Variants in SLC9A2 observed in about 807,000 individuals in gnomAD.
The protein encoded by SLC9A2 is solute carrier family 9 member A2.
A neutral mutation model predicts 71.7 loss-of-function variants in SLC9A2; 42 were observed. The ratio of observed to expected loss-of-function variants is 0.59; its 90% CI spans 0.46 to 0.76. The LOEUF is 0.76. Ranked by LOEUF, SLC9A2 falls within the 30% of genes least tolerant of loss-of-function variation. The probability of loss-of-function intolerance (pLI) is 0.00; values close to 1 mark genes in which losing one functional copy is unlikely to be tolerated. For missense variants in SLC9A2, 829 were observed against 1,017.4 expected, an observed-to-expected ratio of 0.81 and a Z score of 2.52; for synonymous variants, 396 against 392.5, an observed-to-expected ratio of 1.01 and a Z score of -0.10.
chr2:102,677,884 T>A, intron 3 of SLC9A2, among the ~76,000 whole-genome samples: 1 of 152,176 alleles, frequency 6.6e-6, no homozygotes, highest in Non-Finnish European at 1.5e-5. Flanking sequence ...CTTCCTCATC[T>A]CTTAACATTT....
At chr2:102,629,080 G>A (rs1215386689) in intron 1 of SLC9A2, among the ~76,000 whole-genome samples, 4 of 152,036 alleles carry the variant, frequency 2.6e-5, no homozygotes, top group Admixed American at 6.5e-5. Flanking sequence ...TTCTAATTAC[G>A]GTGTTAAAAT....
intron 1 of SLC9A2, among the ~76,000 whole-genome samples, chr2:102,640,755 C>T (rs1408045716): frequency 6.6e-6 from 1 of 152,156 alleles, no homozygotes; most frequent in South Asian, 2.1e-4. Context: ...CTTCTCCACT[C>T]CCCAGAATTT....
At chr2:102,687,203 C>G (rs1677563140) in intron 5 of SLC9A2, among the ~76,000 whole-genome samples, 2 of 152,110 alleles carry the variant, frequency 1.3e-5, no homozygotes, top group Admixed American at 1.3e-4. Context: ...AGACTGCGTG[C>G]ATATTGCTTG....
intron 5 of SLC9A2, among the ~76,000 whole-genome samples, chr2:102,690,968 C>CAAAAAAAA (rs57709703): frequency 7.6e-6 from 1 of 131,258 alleles, no homozygotes; most frequent in Non-Finnish European, 1.6e-5. Flanking sequence ...TCATTTTCTT[C>CAAAAAAAA]AAAAAAAAAA....
At position 102,662,455 on chromosome 2, in the gene SLC9A2, T is replaced by G. The variant is rs528142561; in HGVS notation, c.754-2645T>G. 4.0e-4 allele frequency among the ~76,000 whole-genome samples: 61 copies of G among 152,240 alleles called. 1 individual carries two copies. The highest frequency in any genetic ancestry group is 1.3e-3 in the African/African-American group (54 of 41,532). ...GGAATTTCTAGTTTTGTTGGGGACATGGGGCACTCACTCAAAACTCAGCAC... is the reference window on the plus strand; with the variant it reads ...GGAATTTCTAGTTTTGTTGGGGACAGGGGGCACTCACTCAAAACTCAGCAC... On this transcript the variant is annotated intron_variant, in intron 2 of 11. Coordinates refer to ENST00000233969, the MANE Select transcript of SLC9A2 (RefSeq NM_003048.6).
rs777394769 is a variant in SLC9A2 at position 102,619,926 on chromosome 2, G to A, written c.78G>A (p.Ala26=). 1.2e-5 allele frequency: 19 copies of A among 1,603,742 alleles called. No individual in the cohort carries two copies. Among genetic ancestry groups the A allele is most frequent in the Non-Finnish European group, 1.4e-5 (17 of 1,174,784 alleles). The change falls in exon 1 of 12, where the codon GCG becomes GCA. Residue 26 remains alanine (A), a synonymous_variant. Transcript: ENST00000233969. The surrounding 1 kb of genome is among the most constrained non-coding windows in gnomAD (Gnocchi z 4.3). Reference sequence around the variant, plus strand: ...TGTTGCTGCTGCTCCTGCAGGTGGCGGGGCCCGTGGGCGCCCTGGCGGAGA... The same window carrying A: ...TGTTGCTGCTGCTCCTGCAGGTGGCAGGGCCCGTGGGCGCCCTGGCGGAGA... ...PMLLLLLLQV[A]GPVGALAETL...
intron 7 of SLC9A2, among the ~76,000 whole-genome samples, chr2:102,697,125 C>T (rs893239073): frequency 2.6e-5 from 4 of 152,152 alleles, no homozygotes; most frequent in African/African-American, 9.7e-5. Flanking sequence ...ATATGAGAGG[C>T]GTAACCCAGA....
chr2:102,686,034 A>G (rs1484241998), intron 5 of SLC9A2, among the ~76,000 whole-genome samples: 2 of 152,230 alleles, frequency 1.3e-5, no homozygotes, highest in African/African-American at 4.8e-5. Context: ...GCGATCGGTA[A>G]AAAAGGAGGA....
chr2:102,668,479 A>G (rs1677185945), intron 3 of SLC9A2, among the ~76,000 whole-genome samples: 2 of 152,230 alleles, frequency 1.3e-5, no homozygotes, highest in Admixed American at 1.3e-4. Flanking sequence ...CACGCCTTAC[A>G]GAACTAGTCA....
In SLC9A2 at chr2:102,708,286, AC is replaced by A. The variant is rs748701652; in HGVS notation, c.2243del (p.Pro748GlnfsTer34). On this transcript the variant is annotated frameshift_variant, in exon 12 of 12. Coordinates refer to ENST00000233969, the MANE Select transcript of SLC9A2 (RefSeq NM_003048.6). LOFTEE classifies it low-confidence loss of function (END_TRUNC). ...DVDSGRDMPSTPPTPHSREKG... is the reference protein window; with the variant it reads ...DVDSGRDMPSXPPTPHSREKG... ...TGATTCTGGCCGAGATATGCCCAGCACCCCCCCAACACCCCACAGCAGAGAA... is the reference window on the plus strand; with the variant it reads ...TGATTCTGGCCGAGATATGCCCAGCACCCCCCAACACCCCACAGCAGAGAA... 1.4e-5 allele frequency: 23 copies of A among 1,613,434 alleles called. No homozygotes were observed. The highest frequency in any genetic ancestry group is 2.7e-5 in the African/African-American group (2 of 74,710).
chr2:102,677,026 T>G (rs181317675), intron 3 of SLC9A2, among the ~76,000 whole-genome samples: 122 of 152,358 alleles, frequency 8.0e-4, no homozygotes, highest in Non-Finnish European at 1.4e-3. Flanking sequence ...TAAAGCACTC[T>G]GGATCTTCAT....
intron 1 of SLC9A2, among the ~76,000 whole-genome samples, chr2:102,621,568 T>G (rs1409836877): frequency 6.6e-6 from 1 of 152,178 alleles, no homozygotes; most frequent in Non-Finnish European, 1.5e-5. Context: ...TTCGATTAAG[T>G]TGTTAGGTCC....
At chr2:102,684,078 T>G in intron 4 of SLC9A2, 56 bp from the exon 5 acceptor site, 11 of 1,266,520 alleles carry the variant, frequency 8.7e-6, no homozygotes, top group Non-Finnish European at 1.2e-5. Flanking sequence ...AGTCTATGTA[T>G]TTTCATATTT....
intron 3 of SLC9A2, among the ~76,000 whole-genome samples, chr2:102,680,873 G>A (rs951499705): frequency 1.3e-5 from 2 of 152,160 alleles, no homozygotes; most frequent in Admixed American, 6.5e-5. Context: ...TGTGATTAGG[G>A]AAGCAGAGGT....
chr2:102,655,603 T>C (rs1169765360), intron 1 of SLC9A2, among the ~76,000 whole-genome samples: 2 of 152,236 alleles, frequency 1.3e-5, no homozygotes, highest in Non-Finnish European at 2.9e-5. Flanking sequence ...CAGGAATTTT[T>C]CAGCTCCATG....
intron 1 of SLC9A2, among the ~76,000 whole-genome samples, chr2:102,635,590 G>A (rs1045467324): frequency 6.6e-6 from 1 of 152,230 alleles, no homozygotes; most frequent in Non-Finnish European, 1.5e-5. Flanking sequence ...CTCCTCAAGA[G>A]AGGTTCCAAG....
intron 1 of SLC9A2, among the ~76,000 whole-genome samples, chr2:102,654,765 G>C (rs561060266): frequency 2.2e-4 from 33 of 152,334 alleles, no homozygotes; most frequent in African/African-American, 6.5e-4. Context: ...AGGTGGTACA[G>C]CTTACCACAC....
chr2:102,635,830 G>T (rs553951785), intron 1 of SLC9A2, among the ~76,000 whole-genome samples: 30 of 151,750 alleles, frequency 2.0e-4, no homozygotes, highest in African/African-American at 6.5e-4. Flanking sequence ...AAAGGGATTT[G>T]GTTGATAAGA....
intron 6 of SLC9A2, among the ~76,000 whole-genome samples, chr2:102,694,750 C>T (rs1163703559): frequency 6.6e-6 from 1 of 152,120 alleles, no homozygotes; most frequent in African/African-American, 2.4e-5. Context: ...TTCTTACTTC[C>T]TTTAGCCTGG....
Sources: allele counts gnomAD v4.1 joint callset (sites outside exome capture counted in the v4.1 genomes callset), GRCh38; gene constraint gnomAD v4.1.1; non-coding constraint Gnocchi (gnomAD v3.1); transcripts MANE v1.5; gene names NCBI Gene and HGNC (gene_info 2026-07-23, HGNC 2026-07-21).